The following DDX10 variants were observed in gnomAD, a reference collection of about 807,000 sequenced individuals.
DDX10 encodes DEAD-box helicase 10.
In DDX10, 74 loss-of-function variants were observed where a neutral mutation model predicts 104.3. The observed-to-expected ratio is 0.71, with a 90% CI of 0.59 to 0.86. The LOEUF (loss-of-function observed/expected upper bound fraction) is 0.86, where lower values mean the gene tolerates loss of function less well. Ranked by LOEUF, DDX10 falls within the 40% of genes least tolerant of loss-of-function variation. The pLI is 0.00. For missense variants in DDX10, 952 were observed against 1,040.0 expected (o/e 0.92, Z 1.16); for synonymous variants, 351 against 353.4 (o/e 0.99, Z 0.08).
intron 13 of DDX10, among the ~76,000 whole-genome samples, chr11:108,724,344 T>C (rs949260457): frequency 6.6e-6 from 1 of 152,054 alleles, no homozygotes; most frequent in Admixed American, 6.6e-5. Context: ...GTGTTAGTCA[T>C]TTTCTGAACA....
intron 10 of DDX10, among the ~76,000 whole-genome samples, chr11:108,709,396 ATGGGCGAGCCCATCCGGGCT>A (rs1017046218): frequency 6.6e-6 from 1 of 152,234 alleles, no homozygotes; most frequent in Non-Finnish European, 1.5e-5. Flanking sequence ...GGTAGAATTT[ATGGGCGAGCCCATCCGGGCT>A]TGGTGATTTC....
chr11:108,708,011 G>A (rs2094278837), intron 10 of DDX10, among the ~76,000 whole-genome samples: 1 of 152,038 alleles, frequency 6.6e-6, no homozygotes, highest in African/African-American at 2.4e-5. Flanking sequence ...TATTACCAAG[G>A]AGCTTGATTG....
At chr11:108,853,972 G>A (rs991849204) in intron 16 of DDX10, among the ~76,000 whole-genome samples, 3 of 152,182 alleles carry the variant, frequency 2.0e-5, no homozygotes, top group African/African-American at 7.2e-5. Flanking sequence ...GAATAGTTTA[G>A]CTACCTCCAT....
Position 108,917,893 on chromosome 11 carries a change from C to G in DDX10, c.2325C>G (p.Ala775=), listed in dbSNP as rs1414114012. ...RQAKAKDEEE[A]FLDWSDDDDD... ...TTTAGGCCAAAGATGAAGAGGAAGC[C>G]TTTCTGGATTGGAGTGATGATGATG... Residue 775 remains alanine (A), a synonymous_variant, in exon 17 of 18, where the codon GCC becomes GCG. Transcript: ENST00000322536. 2 of 1,611,492 alleles carry G rather than the reference C, an allele frequency of 1.2e-6. No individual in the cohort carries two copies. Among genetic ancestry groups the G allele is most frequent in the African/African-American group, 2.7e-5 (2 of 74,674 alleles).
At chr11:108,906,921 G>C (rs1175789866) in intron 16 of DDX10, among the ~76,000 whole-genome samples, 5 of 152,188 alleles carry the variant, frequency 3.3e-5, no homozygotes, top group Non-Finnish European at 7.3e-5. Flanking sequence ...TGCTGAATCA[G>C]AGTCCTTAAC....
At chr11:108,904,661 A>G (rs1040165106) in intron 16 of DDX10, among the ~76,000 whole-genome samples, 5 of 152,122 alleles carry the variant, frequency 3.3e-5, no homozygotes, top group African/African-American at 7.2e-5. Flanking sequence ...AAACATGCAC[A>G]TGACTGAAAA....
chr11:108,911,450 G>T (rs1392735213), intron 16 of DDX10, among the ~76,000 whole-genome samples: 1 of 151,946 alleles, frequency 6.6e-6, no homozygotes, highest in African/African-American at 2.4e-5. Flanking sequence ...TCACGTGATG[G>T]AGGGGCTGAG....
chr11:108,824,320 C>T (rs917192067), intron 13 of DDX10, among the ~76,000 whole-genome samples: 5 of 152,178 alleles, frequency 3.3e-5, no homozygotes, highest in Admixed American at 6.5e-5. Flanking sequence ...CATGAGCCAC[C>T]GCACCTGTCC....
chr11:108,788,094 C>A (rs1861820163), intron 13 of DDX10, among the ~76,000 whole-genome samples: 1 of 152,182 alleles, frequency 6.6e-6, no homozygotes, highest in South Asian at 2.1e-4. Flanking sequence ...TCTTGATGCG[C>A]TTCCTTGCCA....
chr11:108,752,716 A>G (rs2094340198), intron 13 of DDX10, among the ~76,000 whole-genome samples: 1 of 152,164 alleles, frequency 6.6e-6, no homozygotes, highest in Non-Finnish European at 1.5e-5. Context: ...TGTATTTGTC[A>G]TATTCATATT....
intron 13 of DDX10, chr11:108,767,450 G>A (rs1290774599): frequency 6.6e-6 from 1 of 152,176 alleles, no homozygotes; most frequent in Non-Finnish European, 1.5e-5. Flanking sequence ...AGGTGGAAAA[G>A]ATTAGACTGC....
intron 17 of DDX10, among the ~76,000 whole-genome samples, chr11:108,936,800 T>G (rs1388533036): frequency 6.6e-6 from 1 of 152,186 alleles, no homozygotes; most frequent in Non-Finnish European, 1.5e-5. Context: ...AAATCTCTAT[T>G]TCCTTCAGAT....
At chr11:108,748,833 A>G (rs955758530) in intron 13 of DDX10, among the ~76,000 whole-genome samples, 2 of 152,022 alleles carry the variant, frequency 1.3e-5, no homozygotes, top group South Asian at 2.1e-4. Context: ...GGTACACACT[A>G]TCATGCCTGC....
intron 13 of DDX10, among the ~76,000 whole-genome samples, chr11:108,778,954 C>A (rs1246968888): frequency 5.9e-5 from 9 of 152,186 alleles, no homozygotes; most frequent in Non-Finnish European, 1.3e-4. Context: ...CATCACTGGC[C>A]ATCAGAGAAA....
chr11:108,877,146 GA>G (rs1469289793), intron 16 of DDX10, among the ~76,000 whole-genome samples: 2 of 152,180 alleles, frequency 1.3e-5, no homozygotes, highest in Non-Finnish European at 1.5e-5. Context: ...AAAAATGGAT[GA>G]AATCCTCGTT....
intron 15 of DDX10, among the ~76,000 whole-genome samples, chr11:108,849,500 T>C (rs1346910959): frequency 2.0e-5 from 3 of 152,156 alleles, no homozygotes; most frequent in African/African-American, 7.2e-5. Context: ...TTCTGGAAGC[T>C]AAGGACCTAT....
rs150166810 is a variant in DDX10, at chr11:108,908,398, T to C, written c.2305-9475T>C. On this transcript the variant is annotated intron_variant, in intron 16 of 17. Coordinates refer to ENST00000322536, the MANE Select transcript of DDX10 (RefSeq NM_004398.4). Reference sequence around the variant, plus strand: ...ATAATAAATTTTGGAATTTTTCCTCTTCATGAAATTTCAAAGTTGACATTT... The same window carrying C: ...ATAATAAATTTTGGAATTTTTCCTCCTCATGAAATTTCAAAGTTGACATTT... 6.1e-3 allele frequency among the ~76,000 whole-genome samples: 923 copies of C among 152,316 alleles called. 3 individuals carry two copies. Among genetic ancestry groups the C allele is most frequent in the Non-Finnish European group, 0.01 (700 of 68,030 alleles).
At chr11:108,908,981 T>A (rs1049603711) in intron 16 of DDX10, among the ~76,000 whole-genome samples, 6 of 152,296 alleles carry the variant, frequency 3.9e-5, no homozygotes, top group East Asian at 3.9e-4. Context: ...TTGTCCCTGG[T>A]TCCTGGACAG....
intron 16 of DDX10, among the ~76,000 whole-genome samples, chr11:108,863,088 C>T (rs962528575): frequency 9.9e-5 from 15 of 152,138 alleles, no homozygotes; most frequent in African/African-American, 3.1e-4. Context: ...TTTTTCCATG[C>T]GCATCTTATG....
Sources: allele counts gnomAD v4.1 joint callset (sites outside exome capture counted in the v4.1 genomes callset), GRCh38; gene constraint gnomAD v4.1.1; transcripts MANE v1.5; gene names NCBI Gene and HGNC (gene_info 2026-07-23, HGNC 2026-07-21).